The following RIOK1 variants were observed in gnomAD, a reference collection of about 807,000 sequenced individuals.
RIOK1 encodes the protein serine/threonine-protein kinase RIO1.
A neutral mutation model predicts 73.5 loss-of-function variants in RIOK1; 66 were observed. The ratio of observed to expected loss-of-function variants is 0.90; its 90% confidence interval spans 0.74 to 1.10. The LOEUF (loss-of-function observed/expected upper bound fraction) is 1.10, where lower values mean the gene tolerates loss of function less well. RIOK1 is among the 50% of genes least tolerant of loss of function. The pLI is 0.00. For missense variants in RIOK1, 658 were observed against 699.8 expected (o/e 0.94, Z 0.67); for synonymous variants, 224 against 226.8 (o/e 0.99, Z 0.11).
chr6:7,407,452 T>G (rs1441829143), intron 12 of RIOK1, among the ~76,000 whole-genome samples: 1 of 152,168 alleles, frequency 6.6e-6, no homozygotes, highest in Non-Finnish European at 1.5e-5. Flanking sequence ...TTCATGTGCT[T>G]CTTGCCCATT....
At chr6:7,403,869 A>G (rs1418066376) in intron 8 of RIOK1, 72 bp from the exon 9 acceptor site, 3 of 934,558 alleles carry the variant, frequency 3.2e-6, no homozygotes, top group Non-Finnish European at 5.2e-6. Context: ...TAATCTTGGG[A>G]CCTGCAGTTG....
chr6:7,396,807 AG>A (rs781297789), intron 4 of RIOK1, 35 bp downstream of exon 4: 72 of 1,137,086 alleles, frequency 6.3e-5, no homozygotes, highest in Non-Finnish European at 9.0e-5. Context: ...ATGGGTGATA[AG>A]GACTAATCTA....
chr6:7,417,175 C>T (rs1215132229), intron 16 of RIOK1, among the ~76,000 whole-genome samples, 156 bp from the exon 17 acceptor site: 1 of 151,952 alleles, frequency 6.6e-6, no homozygotes, highest in African/African-American at 2.4e-5. Flanking sequence ...TGCTTGAGCC[C>T]AGGAGGTGGA....
Position 7,405,249 on chromosome 6 carries a change from ATTTCT to A in RIOK1, c.1100_1104del (p.Phe367TyrfsTer15), listed in dbSNP as rs1203412750. On this transcript the variant is annotated frameshift_variant and splice_region_variant, in exon 12 of 17. Coordinates refer to ENST00000379834, the MANE Select transcript of RIOK1 (RefSeq NM_031480.3). LOFTEE classifies it high-confidence loss of function. ...TCATTAACGTTTTTCCTTCTGACAGATTTCTTTATGAGGCACAGTGTTGCTGTCAT... is the reference window on the plus strand; with the variant it reads ...TCATTAACGTTTTTCCTTCTGACAGATTATGAGGCACAGTGTTGCTGTCAT... 1.9e-6 allele frequency: 3 copies of A among 1,599,852 alleles called. No homozygotes were observed. Among genetic ancestry groups the A allele is most frequent in the South Asian group, 1.1e-5 (1 of 90,150 alleles).
At chr6:7,414,099 A>G in intron 15 of RIOK1, 139 bp from the exon 16 acceptor site, 1 of 670,120 alleles carries the variant, frequency 1.5e-6, no homozygotes, top group Non-Finnish European at 2.4e-6. Context: ...TGGTGTTTTG[A>G]TGTTTCAGTA....
rs564386930 is a variant in RIOK1 at position 7,417,273 on chromosome 6, A to G, written c.1597-58A>G. ...TAAAAAACAAAAAACAAAAAACAAAAACAAAAAATGCATACTCCAAATGAA... is the reference window on the plus strand; with the variant it reads ...TAAAAAACAAAAAACAAAAAACAAAGACAAAAAATGCATACTCCAAATGAA... On this transcript the variant is annotated intron_variant, in intron 16 of 16. Coordinates refer to ENST00000379834, the MANE Select transcript of RIOK1 (RefSeq NM_031480.3). The G allele has an allele frequency of 1.2e-4, 145 of 1,205,124 alleles. No homozygotes were observed. In the South Asian group the frequency reaches 2.0e-3, roughly 17 times the overall value. 74.7% of individuals were successfully genotyped at this position (1,205,124 alleles called of 1,614,324 possible).
intron 9 of RIOK1, 64 bp downstream of exon 9, chr6:7,404,091 A>G (rs1761680551): frequency 9.4e-7 from 1 of 1,069,130 alleles, no homozygotes; most frequent in Non-Finnish European, 1.4e-6. Context: ...CTTTGAGTTT[A>G]TCCACTATAT....
In RIOK1 at chr6:7,391,626, G is replaced by A. The variant is rs551687979; in HGVS notation, c.72-1473G>A. 3.9e-5 allele frequency among the ~76,000 whole-genome samples: 6 copies of A among 152,284 alleles called. No homozygotes were observed. In the South Asian group the frequency reaches 1.0e-3, roughly 26 times the overall value. On this transcript the variant is annotated intron_variant, in intron 1 of 16. Transcript: ENST00000379834. Reference sequence around the variant, plus strand: ...GGATACACCAGTGATTTTCCATTGGGGAAGATGTTGCCATCCCGACTTCTA... The same window carrying A: ...GGATACACCAGTGATTTTCCATTGGAGAAGATGTTGCCATCCCGACTTCTA...
chr6:7,396,886 T>G (rs1302109641), intron 4 of RIOK1, 114 bp downstream of exon 4: 6 of 624,736 alleles, frequency 9.6e-6, no homozygotes, highest in Non-Finnish European at 1.7e-5. Flanking sequence ...AACCAATCAT[T>G]ATTTTGGTGT....
rs371483871 is a variant in RIOK1, at chr6:7,404,428, C to G, written c.865C>G (p.Leu289Val). The change falls in exon 10 of 17, where the codon CTC becomes GTC. Residue 289 changes from leucine to valine, a missense_variant. Transcript: ENST00000379834. The stretch of plus-strand genomic sequence containing the variant: ...TTCTTTTCATTCAAGGCCTGCACCA[C>G]TCTTGAAAAATGTCCAGTTATCAGA... ...FIGKDDMPAP[L>V]LKNVQLSESK... 1.2e-6 allele frequency: 2 copies of G among 1,613,974 alleles called. No individual in the cohort carries two copies. Among genetic ancestry groups the G allele is most frequent in the African/African-American group, 1.3e-5 (1 of 74,922 alleles).
At chr6:7,394,552 C>T (rs1581710742) in intron 2 of RIOK1, among the ~76,000 whole-genome samples, 1 of 152,300 alleles carries the variant, frequency 6.6e-6, no homozygotes, top group Middle Eastern at 3.4e-3. Context: ...CTGGTGACTC[C>T]TTCACTGATT....
intron 14 of RIOK1, 46 bp downstream of exon 14, chr6:7,411,497 T>G (rs78274858): frequency 1.9e-6 from 3 of 1,609,146 alleles, no homozygotes; most frequent in Non-Finnish European, 1.7e-6. Flanking sequence ...TCAAAAGTAG[T>G]AGGGGACTGT....
chr6:7,411,937 C>T (rs1008735046), intron 14 of RIOK1, among the ~76,000 whole-genome samples: 2 of 152,282 alleles, frequency 1.3e-5, no homozygotes, highest in East Asian at 3.9e-4. Context: ...GTTGAATACA[C>T]TTTTGTGTAA....
At chr6:7,398,663 G>T in intron 4 of RIOK1, 35 bp from the exon 5 acceptor site, 1 of 1,580,436 alleles carries the variant, frequency 6.3e-7, no homozygotes. Context: ...ACTGAATTTT[G>T]AATGTGTCAA....
intron 3 of RIOK1, 41 bp from the exon 4 acceptor site, chr6:7,396,662 G>A (rs201595818): frequency 6.4e-5 from 80 of 1,250,628 alleles, no homozygotes; most frequent in Non-Finnish European, 8.4e-5. Flanking sequence ...ATGTCTTTTC[G>A]TCTTACATAT....
rs372769817 is a variant in RIOK1 at position 7,417,448 on chromosome 6, A to G, written c.*7A>G. On this transcript the variant is annotated 3_prime_UTR_variant, in exon 17 of 17. Transcript: ENST00000379834. ...GACGAAAAAAGGCAAATAGAATGAGAACCATATTATGTACAGTCATTTTCC... is the reference window on the plus strand; with the variant it reads ...GACGAAAAAAGGCAAATAGAATGAGGACCATATTATGTACAGTCATTTTCC... 1.3e-6 allele frequency: 2 copies of G among 1,487,248 alleles called. No homozygotes were observed. Among genetic ancestry groups the G allele is most frequent in the Non-Finnish European group, 1.8e-6 (2 of 1,098,718 alleles). 92.1% of individuals were successfully genotyped at this position (1,487,248 alleles called of 1,614,324 possible).
At chr6:7,410,543 T>C in intron 13 of RIOK1, 92 bp downstream of exon 13, 1 of 770,986 alleles carries the variant, frequency 1.3e-6, no homozygotes, top group Admixed American at 2.5e-5. Context: ...TTGATTTAAA[T>C]AGATAAGCAG....
chr6:7,414,399 T>C lies in RIOK1; in HGVS notation c.1596+9T>C. ...CTGACATTGATAAAAAAGTAAGCAATGAAATACCTTCCCCTTTTCTTTAGT... is the reference window on the plus strand; with the variant it reads ...CTGACATTGATAAAAAAGTAAGCAACGAAATACCTTCCCCTTTTCTTTAGT... On this transcript the variant is annotated intron_variant, in intron 16 of 16. Transcript: ENST00000379834. 1.3e-6 allele frequency: 2 copies of C among 1,596,518 alleles called. No individual in the cohort carries two copies. Among genetic ancestry groups the C allele is most frequent in the Non-Finnish European group, 1.7e-6 (2 of 1,173,962 alleles).
chr6:7,400,858 C>T (rs1561876455), intron 5 of RIOK1, 100 bp from the exon 6 acceptor site: 8 of 682,164 alleles, frequency 1.2e-5, no homozygotes, highest in South Asian at 3.5e-5. Flanking sequence ...AGGATAGCGT[C>T]GTACAGTTAA....
Sources: allele counts gnomAD v4.1 joint callset (sites outside exome capture counted in the v4.1 genomes callset), GRCh38; gene constraint gnomAD v4.1.1; transcripts MANE v1.5; gene names NCBI Gene and HGNC (gene_info 2026-07-23, HGNC 2026-07-21).